LCA5: variants seen among roughly 807,000 people sequenced by gnomAD.
LCA5 encodes the protein lebercilin.
LCA5 carries 37 observed loss-of-function variants against 53.0 expected under a neutral mutation model. The observed-to-expected ratio is 0.70, with a 90% CI of 0.54 to 0.92. LCA5 has a LOEUF of 0.92. LCA5 is among the 40% of genes least tolerant of loss of function. LCA5 has a pLI of 0.00. For missense variants in LCA5, 806 were observed against 790.5 expected (o/e 1.02, Z -0.23); for synonymous variants, 303 against 282.9 (o/e 1.07, Z -0.71).
intron 1 of LCA5, among the ~76,000 whole-genome samples, chr6:79,531,365 G>A (rs542218519): frequency 6.6e-6 from 1 of 152,218 alleles, no homozygotes; most frequent in African/African-American, 2.4e-5. Context: ...CTCTCTACAG[G>A]ATCATTCCTA....
At chr6:79,523,629 T>G (rs1038094383) in intron 1 of LCA5, among the ~76,000 whole-genome samples, 1 of 152,206 alleles carries the variant, frequency 6.6e-6, no homozygotes, top group Non-Finnish European at 1.5e-5. Context: ...TAAATTCCAA[T>G]AATATAATTA....
At chr6:79,523,933 G>C (rs1408482230) in intron 1 of LCA5, among the ~76,000 whole-genome samples, 1 of 152,118 alleles carries the variant, frequency 6.6e-6, no homozygotes. Context: ...TCTTAAGTTA[G>C]CAATTTTAGA....
chr6:79,529,323 G>C (rs1294354787), intron 1 of LCA5, among the ~76,000 whole-genome samples: 1 of 152,196 alleles, frequency 6.6e-6, no homozygotes, highest in African/African-American at 2.4e-5. Flanking sequence ...GAGAGAATTA[G>C]TGAGAAAACA....
At chr6:79,500,898 G>A (rs750880181) in intron 3 of LCA5, among the ~76,000 whole-genome samples, 2 of 151,188 alleles carry the variant, frequency 1.3e-5, no homozygotes, top group Non-Finnish European at 3.0e-5. Flanking sequence ...TTGACCCCCT[G>A]GTTATCCTGT....
At chr6:79,489,357 C>T in intron 6 of LCA5, 141 bp from the exon 7 acceptor site, 1 of 816,304 alleles carries the variant, frequency 1.2e-6, no homozygotes, top group Non-Finnish European at 1.9e-6. Context: ...CAGTAAATCA[C>T]AAGTTATCAC....
intron 1 of LCA5, among the ~76,000 whole-genome samples, chr6:79,524,632 G>A (rs1766726835): frequency 6.6e-6 from 1 of 152,036 alleles, no homozygotes; most frequent in African/African-American, 2.4e-5. Context: ...GTCAATTAAT[G>A]AACAGAAAGT....
Position 79,518,952 on chromosome 6 carries a change from A to AAAATAAT in LCA5, c.-59_-58insATTATTT. On this transcript the variant is annotated 5_prime_UTR_variant, in exon 2 of 8. The change abolishes the stop of an existing upstream ORF in the 5' untranslated region. Transcript: ENST00000369846. ...TCACAGATTATTTTCTCCAGAGGAG[A>AAAATAAT]CTATGACAATACTGAAAAACATTTT... 1 of 1,509,400 alleles carries AAAATAAT rather than the reference A, an allele frequency of 6.6e-7. No homozygotes were observed. The highest frequency in any genetic ancestry group is 9.2e-7 in the Non-Finnish European group (1 of 1,084,862). 93.5% of individuals were successfully genotyped at this position (1,509,400 alleles called of 1,614,324 possible).
intron 1 of LCA5, among the ~76,000 whole-genome samples, chr6:79,525,011 A>T (rs1455845703): frequency 6.6e-6 from 1 of 152,102 alleles, no homozygotes; most frequent in Non-Finnish European, 1.5e-5. Context: ...CATTTAAAAA[A>T]TTATGCCAAT....
chr6:79,491,680 T>C lies in LCA5; in HGVS notation c.1006A>G (p.Met336Val), dbSNP rs2127668733. The change falls in exon 6 of 8, where the codon ATG (methionine) becomes GTG (valine). Residue 336 changes from methionine to valine, a missense_variant. Physicochemically the swap from Met to Val is conservative, Grantham distance 21 (BLOSUM62 1). Transcript: ENST00000369846. ...ADLCTKGVQTMEDFKPEEYPL... is the reference protein window; with the variant it reads ...ADLCTKGVQTVEDFKPEEYPL... ...TATTCTTCTGGCTTGAAGTCTTCCA[T>C]GGTTTGTACTCCTTTTGTACACAGG... The C allele has an allele frequency of 6.2e-7, 1 of 1,613,184 alleles. No individual in the cohort carries two copies. The highest frequency in any genetic ancestry group is 8.5e-7 in the Non-Finnish European group (1 of 1,179,306).
chr6:79,491,813 T>TAC, intron 5 of LCA5, 83 bp from the exon 6 acceptor site: 1 of 1,146,038 alleles, frequency 8.7e-7, no homozygotes, highest in Non-Finnish European at 1.3e-6. Context: ...TATATATATA[T>TAC]ATGCATGTGT....
At chr6:79,497,089 A>G (rs1362493734) in intron 3 of LCA5, among the ~76,000 whole-genome samples, 1 of 152,220 alleles carries the variant, frequency 6.6e-6, no homozygotes, top group East Asian at 1.9e-4. Flanking sequence ...AGGAAAAAGC[A>G]AACTGAAAAA....
intron 3 of LCA5, among the ~76,000 whole-genome samples, chr6:79,504,059 T>C (rs1250466742): frequency 6.6e-6 from 1 of 152,122 alleles, no homozygotes; most frequent in Non-Finnish European, 1.5e-5. Context: ...CCTGGAATGA[T>C]AATAACCACA....
At position 79,492,751 on chromosome 6, in the gene LCA5, C is replaced by T. The variant is rs1004297009; in HGVS notation, c.859-104G>A. 10 of 663,828 alleles carry T rather than the reference C, an allele frequency of 1.5e-5. No homozygotes were observed. In the Admixed American group the frequency reaches 2.5e-4, roughly 16 times the overall value. The allele number at this position is 663,828 out of a possible 1,614,324, so 41.1% of individuals were successfully genotyped here. A position where few individuals can be genotyped will look rare whatever the true frequency, so the allele number is the denominator to read the frequency against. ...TATTTTCTTACCATATTGAAAGTTA[C>T]CTGGTTCAGCTTCCTTTTGTAACTA... is the stretch of plus-strand genomic sequence containing the variant. On this transcript the variant is annotated intron_variant, in intron 4 of 7. Transcript: ENST00000369846.
chr6:79,493,530 T>A, intron 4 of LCA5, 83 bp downstream of exon 4: 2 of 1,265,302 alleles, frequency 1.6e-6, no homozygotes, highest in Non-Finnish European at 2.3e-6. Flanking sequence ...CTTACAAATA[T>A]GAATAGTAAC....
At position 79,518,736 on chromosome 6, in the gene LCA5, T is replaced by C. The variant is rs554225444; in HGVS notation, c.159A>G (p.Arg53=). Residue 53 remains arginine (R), a synonymous_variant, in exon 2 of 8, where the codon AGA becomes AGG. Transcript: ENST00000369846. ...PASVRRKNPK[R]QTSDGQVHHQ... ...GATGTACTTGGCCATCTGAAGTTTG[T>C]CTTTTAGGATTTTTTCTCCTAACAC... 5.6e-6 allele frequency: 9 copies of C among 1,614,128 alleles called. No homozygotes were observed. The South Asian group carries it at 8.8e-5, about 16-fold the overall frequency.
intron 1 of LCA5, among the ~76,000 whole-genome samples, chr6:79,523,986 T>C (rs1229612308): frequency 6.6e-6 from 1 of 152,222 alleles, no homozygotes; most frequent in Non-Finnish European, 1.5e-5. Context: ...TTTTATATGA[T>C]TGCAACATGC....
intron 2 of LCA5, 28 bp from the exon 3 acceptor site, chr6:79,513,769 G>C: frequency 1.9e-6 from 3 of 1,605,718 alleles, no homozygotes; most frequent in Non-Finnish European, 2.6e-6. Flanking sequence ...ATAATGTAAA[G>C]TGAAAGCTGT....
At chr6:79,488,075 T>TA (rs1769724054) in intron 7 of LCA5, 4 of 517,516 alleles carry the variant, frequency 7.7e-6, no homozygotes, top group South Asian at 5.8e-5. Context: ...TTCTCATTTA[T>TA]AAAAAAATTT....
At chr6:79,494,048 T>C (rs1247573016) in intron 3 of LCA5, among the ~76,000 whole-genome samples, 1 of 152,110 alleles carries the variant, frequency 6.6e-6, no homozygotes, top group Non-Finnish European at 1.5e-5. Context: ...GAGGAGCTCT[T>C]GAGACCAGCC....
Sources: allele counts gnomAD v4.1 joint callset (sites outside exome capture counted in the v4.1 genomes callset), GRCh38; gene constraint gnomAD v4.1.1; transcripts MANE v1.5; gene names NCBI Gene and HGNC (gene_info 2026-07-23, HGNC 2026-07-21).